CUEDC1: variants seen among roughly 807,000 people sequenced by gnomAD.
The protein encoded by CUEDC1 is CUE domain-containing protein 1.
In CUEDC1, 30 loss-of-function variants were observed where a neutral mutation model predicts 43.7. The ratio of observed to expected loss-of-function variants is 0.69; its 90% confidence interval spans 0.51 to 0.93. The LOEUF is 0.93. CUEDC1 is among the 40% of genes least tolerant of loss of function. CUEDC1 has a pLI of 0.00. For synonymous variants in CUEDC1, 223 were observed against 223.6 expected (o/e 1.00, Z 0.02); for missense variants, 486 against 549.0 (o/e 0.89, Z 1.15).
At chr17:57,869,379 C>T (rs2074005300) in intron 6 of CUEDC1, among the ~76,000 whole-genome samples, 186 bp from the exon 7 acceptor site, 1 of 152,174 alleles carries the variant, frequency 6.6e-6, no homozygotes, top group Non-Finnish European at 1.5e-5. Context: ...ACTTTGTTTC[C>T]TCCTCTGTAA....
chr17:57,867,279 C>A, intron 9 of CUEDC1, 78 bp downstream of exon 9: 1 of 1,386,124 alleles, frequency 7.2e-7, no homozygotes, highest in South Asian at 1.2e-5. Context: ...CGGGTGCTCC[C>A]ATGAAACACC....
chr17:57,937,888 CA>C (rs1567724194), intron 1 of CUEDC1, among the ~76,000 whole-genome samples: 1 of 151,986 alleles, frequency 6.6e-6, no homozygotes, highest in East Asian at 1.9e-4. Flanking sequence ...GCTGGGACGA[CA>C]GAGAGAGACC....
intron 1 of CUEDC1, among the ~76,000 whole-genome samples, chr17:57,940,016 G>A (rs931634020): frequency 9.2e-5 from 14 of 151,794 alleles, no homozygotes; most frequent in East Asian, 7.7e-4. Flanking sequence ...CAAATAGCTC[G>A]AGCTGGTTTC....
Position 57,930,104 on chromosome 17 carries a change from C to T in CUEDC1, c.-316+25121G>A, listed in dbSNP as rs2074789747. Among the ~76,000 whole-genome samples, 1 of 152,170 alleles carries T rather than the reference C, an allele frequency of 6.6e-6. No homozygotes were observed. Among genetic ancestry groups the T allele is most frequent in the African/African-American group, 2.4e-5 (1 of 41,440 alleles). On this transcript the variant is annotated intron_variant, in intron 1 of 10. Coordinates refer to ENST00000577830, the MANE Select transcript of CUEDC1 (RefSeq NM_001271875.2). This position sits in a 1 kb window ranked among gnomAD's most constrained non-coding sequence, Gnocchi z 4.2. ...AGGCGTGAGCCACTGCGCCCGGCCACTTCTCAGACTTTAATGTGCACACGA... is the reference window on the plus strand; with the variant it reads ...AGGCGTGAGCCACTGCGCCCGGCCATTTCTCAGACTTTAATGTGCACACGA...
intron 1 of CUEDC1, among the ~76,000 whole-genome samples, chr17:57,912,809 G>A (rs909446712): frequency 6.6e-6 from 1 of 152,098 alleles, no homozygotes; most frequent in Non-Finnish European, 1.5e-5. Context: ...TCAACTAGAG[G>A]GGTGCATCAG....
At chr17:57,875,194 G>T (rs1407284634) in intron 3 of CUEDC1, among the ~76,000 whole-genome samples, 2 of 152,200 alleles carry the variant, frequency 1.3e-5, no homozygotes, top group African/African-American at 2.4e-5. Context: ...ACAGCAGGGA[G>T]GGACCCTCGC....
At chr17:57,927,735 A>T (rs922221027) in intron 1 of CUEDC1, among the ~76,000 whole-genome samples, 7 of 152,284 alleles carry the variant, frequency 4.6e-5, no homozygotes, top group Admixed American at 4.6e-4. Flanking sequence ...GCTCTGCAAC[A>T]AAGACAGTGC....
chr17:57,934,364 C>T (rs923526716), intron 1 of CUEDC1, among the ~76,000 whole-genome samples: 1 of 151,952 alleles, frequency 6.6e-6, no homozygotes, highest in Admixed American at 6.6e-5. Flanking sequence ...TGCACTCCAG[C>T]CTGGGAAACA....
At chr17:57,929,811 T>C (rs2074786186) in intron 1 of CUEDC1, among the ~76,000 whole-genome samples, 1 of 152,166 alleles carries the variant, frequency 6.6e-6, no homozygotes. Context: ...TCTCTCTTTT[T>C]CTTTTTTGAG....
intron 1 of CUEDC1, 60 bp from the exon 2 acceptor site, chr17:57,885,939 G>A (rs1051053447): frequency 6.3e-5 from 11 of 175,202 alleles, no homozygotes; most frequent in Non-Finnish European, 9.5e-5. Flanking sequence ...TCAGGGTGGC[G>A]GCCAAGGGCT....
At chr17:57,878,392 T>A (rs1042252487) in intron 3 of CUEDC1, among the ~76,000 whole-genome samples, 1 of 152,182 alleles carries the variant, frequency 6.6e-6, no homozygotes, top group Non-Finnish European at 1.5e-5. Context: ...TAGTCAATGC[T>A]AGCTACACTT....
At position 57,863,146 on chromosome 17, in the gene CUEDC1, G is replaced by A; in HGVS notation, c.*143C>T. 1 of 152,832 alleles carries A rather than the reference G, an allele frequency of 6.5e-6. No individual in the cohort carries two copies. Among genetic ancestry groups the A allele is most frequent in the Non-Finnish European group, 1.5e-5 (1 of 68,128 alleles). The allele number at this position is 152,832 out of a possible 1,614,324, so 9.5% of individuals were successfully genotyped here. On this transcript the variant is annotated 3_prime_UTR_variant, in exon 11 of 11. Coordinates refer to ENST00000577830, the MANE Select transcript of CUEDC1 (RefSeq NM_001271875.2). Reference sequence around the variant, plus strand: ...AAAGTGGCAGTGGTTGGGCTGGACTGTGGCTGGAGGATCACCGGGCCTCGG... The same window carrying A: ...AAAGTGGCAGTGGTTGGGCTGGACTATGGCTGGAGGATCACCGGGCCTCGG...
chr17:57,952,767 T>C (rs2075019819), intron 1 of CUEDC1, among the ~76,000 whole-genome samples: 1 of 152,206 alleles, frequency 6.6e-6, no homozygotes, highest in Admixed American at 6.5e-5. Context: ...TGCTCTCTAG[T>C]TAAACAAAGA....
At chr17:57,951,938 G>A (rs568412502) in intron 1 of CUEDC1, among the ~76,000 whole-genome samples, 3 of 152,246 alleles carry the variant, frequency 2.0e-5, no homozygotes, top group East Asian at 3.9e-4. Flanking sequence ...CTGTGATAAT[G>A]CGCTGACACA....
intron 9 of CUEDC1, 93 bp downstream of exon 9, chr17:57,867,264 C>T: frequency 2.5e-6 from 3 of 1,187,224 alleles, no homozygotes; most frequent in South Asian, 2.6e-5. Flanking sequence ...CTCCAGGGGA[C>T]AGGGCGGGTG....
intron 1 of CUEDC1, among the ~76,000 whole-genome samples, chr17:57,891,839 C>T (rs1028638822): frequency 2.0e-5 from 3 of 152,202 alleles, no homozygotes; most frequent in Admixed American, 2.0e-4. Flanking sequence ...CCCCAACATC[C>T]CAGTGTTCCT....
rs559215955 is a variant in CUEDC1 at position 57,890,644 on chromosome 17, G to A, written c.-315-4765C>T. Among the ~76,000 whole-genome samples the A allele has an allele frequency of 1.7e-4, 26 of 152,326 alleles. No homozygotes were observed. In the South Asian group the frequency reaches 3.7e-3, roughly 22 times the overall value. On this transcript the variant is annotated intron_variant, in intron 1 of 10. Transcript: ENST00000577830. ...CTCCCCTGTGAAGGAATCCAGGCCCGGCAGGGGCGGCAAACAGCCAACCTC... is the reference window on the plus strand; with the variant it reads ...CTCCCCTGTGAAGGAATCCAGGCCCAGCAGGGGCGGCAAACAGCCAACCTC...
intron 1 of CUEDC1, among the ~76,000 whole-genome samples, chr17:57,928,959 A>C (rs1422829725): frequency 6.6e-6 from 1 of 152,192 alleles, no homozygotes; most frequent in East Asian, 1.9e-4. Context: ...CACACTGAGA[A>C]AAATAATTCA....
At chr17:57,928,657 C>T (rs1033194936) in intron 1 of CUEDC1, among the ~76,000 whole-genome samples, 4 of 151,878 alleles carry the variant, frequency 2.6e-5, no homozygotes, top group Non-Finnish European at 1.5e-5. Context: ...TACGTTTTCA[C>T]GCAACCTCTT....
Sources: allele counts gnomAD v4.1 joint callset (sites outside exome capture counted in the v4.1 genomes callset), GRCh38; gene constraint gnomAD v4.1.1; non-coding constraint Gnocchi (gnomAD v3.1); transcripts MANE v1.5; gene names NCBI Gene and HGNC (gene_info 2026-07-23, HGNC 2026-07-21).